The following ATXN2 variants were observed in gnomAD, a reference collection of about 807,000 sequenced individuals.
ATXN2 encodes the protein ataxin-2.
In ATXN2, 37 loss-of-function variants were observed where a neutral mutation model predicts 138.6. That is an observed-to-expected ratio of 0.27 (90% CI 0.21 to 0.35). The LOEUF is 0.35. Ranked by LOEUF, ATXN2 falls within the 10% of genes least tolerant of loss-of-function variation. ATXN2 has a pLI of 1.00. For missense variants in ATXN2, 1,216 were observed against 1,480.3 expected (o/e 0.82, Z 2.93); for synonymous variants, 549 against 543.7 (o/e 1.01, Z -0.13).
intron 5 of ATXN2, among the ~76,000 whole-genome samples, chr12:111,539,517 G>A (rs1168465308): frequency 6.7e-6 from 1 of 150,300 alleles, no homozygotes; most frequent in African/African-American, 2.4e-5. Flanking sequence ...GGAGGCCGAG[G>A]CGGATGGATC....
chr12:111,564,060 G>A (rs1264623572), intron 1 of ATXN2, among the ~76,000 whole-genome samples: 2 of 152,172 alleles, frequency 1.3e-5, no homozygotes, highest in African/African-American at 4.8e-5. Flanking sequence ...TCGGCAAGCA[G>A]TGTCTTTGTG....
chr12:111,526,162 C>T (rs1377835854), intron 5 of ATXN2, among the ~76,000 whole-genome samples: 5 of 151,536 alleles, frequency 3.3e-5, no homozygotes. Context: ...TCGAGACCAT[C>T]CTGGCCAACA....
chr12:111,497,972 C>A (rs573098514), intron 14 of ATXN2, among the ~76,000 whole-genome samples: 1 of 151,830 alleles, frequency 6.6e-6, no homozygotes, highest in Non-Finnish European at 1.5e-5. Flanking sequence ...GCCAACATTG[C>A]GCCACTGCAC....
intron 5 of ATXN2, among the ~76,000 whole-genome samples, chr12:111,543,408 T>C (rs541121532): frequency 6.6e-6 from 1 of 151,866 alleles, no homozygotes; most frequent in South Asian, 2.1e-4. Context: ...CTCCAACTTC[T>C]TCCAACTACT....
chr12:111,564,767 G>C (rs894272826), intron 1 of ATXN2: 2 of 152,176 alleles, frequency 1.3e-5, no homozygotes, highest in African/African-American at 4.8e-5. Context: ...TTTAAAAACT[G>C]AAAGATAAAG....
At chr12:111,468,502 T>C (rs1456861997) in intron 20 of ATXN2, 2 of 152,182 alleles carry the variant, frequency 1.3e-5, no homozygotes, top group South Asian at 2.1e-4. Flanking sequence ...CAGTGAGCCT[T>C]TGTGGCAGAC....
intron 1 of ATXN2, chr12:111,581,375 CACCATGA>C: frequency 1.5e-6 from 1 of 653,690 alleles, no homozygotes; most frequent in Non-Finnish European, 2.9e-6. Flanking sequence ...CTTCCCTGGA[CACCATGA>C]ACCACAATGT....
chr12:111,581,721 T>A lies in ATXN2; in HGVS notation c.251+17063A>T, dbSNP rs111719030. On this transcript the variant is annotated intron_variant, in intron 1 of 24. Transcript: ENST00000673436. ...AACATCTGGGCCCTGATTGTGCGCA[T>A]CATTACGACCATTCTGCTCAGCATC... 13 of 659,370 alleles carry A rather than the reference T, an allele frequency of 2.0e-5. No individual in the cohort carries two copies. In the African/African-American group the frequency reaches 2.2e-4, roughly 11 times the overall value. 40.8% of individuals were successfully genotyped at this position (659,370 alleles called of 1,614,324 possible).
At chr12:111,556,290 C>T (rs926061221) in intron 1 of ATXN2, among the ~76,000 whole-genome samples, 37 of 152,064 alleles carry the variant, frequency 2.4e-4, no homozygotes, top group African/African-American at 8.2e-4. Flanking sequence ...GAGGCAGGAT[C>T]ACCAGAGTCC....
At chr12:111,506,553 G>A (rs991395452) in intron 14 of ATXN2, among the ~76,000 whole-genome samples, 2 of 151,956 alleles carry the variant, frequency 1.3e-5, no homozygotes, top group Admixed American at 1.3e-4. Flanking sequence ...ACTGAATGAT[G>A]TTAAAAAAAA....
At chr12:111,550,780 A>T (rs1882076892) in intron 5 of ATXN2, among the ~76,000 whole-genome samples, 1 of 152,200 alleles carries the variant, frequency 6.6e-6, no homozygotes, top group South Asian at 2.1e-4. Context: ...AATACCCAGT[A>T]CTGTTAGCCT....
chr12:111,581,342 C>T, intron 1 of ATXN2: 2 of 569,938 alleles, frequency 3.5e-6, no homozygotes, highest in Non-Finnish European at 6.6e-6. Flanking sequence ...GAGAACCACC[C>T]CAGCAACCCG....
intron 18 of ATXN2, among the ~76,000 whole-genome samples, chr12:111,479,855 TA>T (rs11345860): frequency 0.39 from 54,552 of 140,432 alleles, 13,795 homozygotes; most frequent in East Asian, 0.89. Context: ...TTCCATTTAT[TA>T]AAAAAAAAAA....
chr12:111,465,068 T>C (rs1245409792), intron 20 of ATXN2, among the ~76,000 whole-genome samples: 6 of 152,100 alleles, frequency 3.9e-5, no homozygotes, highest in African/African-American at 1.4e-4. Flanking sequence ...AGACACACAA[T>C]TTTGCAAAAA....
At chr12:111,559,376 G>A (rs1035489911) in intron 1 of ATXN2, among the ~76,000 whole-genome samples, 2 of 151,722 alleles carry the variant, frequency 1.3e-5, no homozygotes, top group African/African-American at 4.8e-5. Context: ...TGGGATTACA[G>A]GCGTGAGCTA....
At chr12:111,532,308 C>T (rs1224223727) in intron 5 of ATXN2, among the ~76,000 whole-genome samples, 1 of 151,888 alleles carries the variant, frequency 6.6e-6, no homozygotes, top group Non-Finnish European at 1.5e-5. Flanking sequence ...GGTGAAACCC[C>T]TTCTCTACTG....
At chr12:111,482,634 T>C (rs1877326532) in intron 18 of ATXN2, among the ~76,000 whole-genome samples, 1 of 152,246 alleles carries the variant, frequency 6.6e-6, no homozygotes, top group South Asian at 2.1e-4. Context: ...TCCCATTGCA[T>C]TGTTTTAAGT....
intron 1 of ATXN2, among the ~76,000 whole-genome samples, chr12:111,580,232 A>G (rs560425159): frequency 3.9e-5 from 6 of 152,038 alleles, no homozygotes; most frequent in East Asian, 1.9e-4. Flanking sequence ...ATCCCTCCCA[A>G]CACTTTGGGA....
intron 14 of ATXN2, among the ~76,000 whole-genome samples, chr12:111,498,983 C>T (rs1878591312): frequency 6.6e-6 from 1 of 152,120 alleles, no homozygotes; most frequent in South Asian, 2.1e-4. Flanking sequence ...GCTGGGAAAA[C>T]TGGATATCCA....
Sources: gnomAD v4.1 joint callset for allele counts (sites outside exome capture counted in the v4.1 genomes callset) on GRCh38, gnomAD v4.1.1 for gene constraint, MANE v1.5 for transcripts, NCBI Gene and HGNC (gene_info 2026-07-23, HGNC 2026-07-21) for gene names.